Variants in ESR1 observed in about 807,000 individuals in gnomAD.
ESR1 encodes estrogen receptor 1, also known as estrogen receptor.
ESR1 carries 12 observed loss-of-function variants against 52.7 expected under a neutral mutation model. The observed-to-expected ratio is 0.23, with a 90% CI of 0.15 to 0.37. The LOEUF is 0.37. ESR1 is among the 10% of genes least tolerant of loss of function. ESR1 has a pLI of 1.00. For synonymous variants in ESR1, 305 were observed against 316.8 expected, an observed-to-expected ratio of 0.96 and a Z score of 0.39; for missense variants, 584 against 779.7, an observed-to-expected ratio of 0.75 and a Z score of 2.99.
rs773500294 is a variant in ESR1 at position 151,808,208 on chromosome 6, C to A, written c.296C>A (p.Pro99Gln). ...TCCAACGGCCTGGGGGGTTTCCCCCCACTCAACAGCGTGTCTCCGAGCCCG... is the reference window on the plus strand; with the variant it reads ...TCCAACGGCCTGGGGGGTTTCCCCCAACTCAACAGCGTGTCTCCGAGCCCG... ...FGSNGLGGFPPLNSVSPSPLM... is the reference protein window; with the variant it reads ...FGSNGLGGFPQLNSVSPSPLM... Residue 99 changes from proline (P) to glutamine (Q), a missense_variant, in exon 1 of 8, where the codon CCA becomes CAA. Coordinates refer to ENST00000206249, the MANE Select transcript of ESR1 (RefSeq NM_000125.4). The A allele has an allele frequency of 7.6e-6, 12 of 1,572,808 alleles. No homozygotes were observed. The Admixed American group carries it at 1.7e-4, about 22-fold the overall frequency.
chr6:151,899,354 C>A lies in ESR1; in HGVS notation c.760+18583C>A, dbSNP rs1437390700. ...GGCGGCTGGCCAGGCGGGGGGCTGACCCCCCCACCTCCTTCCCGGACGGGG... is the reference window on the plus strand; with the variant it reads ...GGCGGCTGGCCAGGCGGGGGGCTGAACCCCCCACCTCCTTCCCGGACGGGG... On this transcript the variant is annotated intron_variant, in intron 3 of 7. Coordinates refer to ENST00000206249, the MANE Select transcript of ESR1 (RefSeq NM_000125.4). 1.7e-5 allele frequency among the ~76,000 whole-genome samples: 2 copies of A among 114,650 alleles called. 1 individual carries two copies. Among genetic ancestry groups the A allele is most frequent in the African/African-American group, 7.7e-5 (2 of 25,840 alleles). 75.2% of individuals were successfully genotyped at this position (114,650 alleles called of 152,430 possible).
At chr6:152,127,453 T>C (rs2053863192) in exon 7 of ESR1, 1 of 152,168 alleles carries the variant, frequency 6.6e-6, no homozygotes, top group African/African-American at 2.4e-5. Context: ...TTATCACTAT[T>C]ATCTGTATAA....
Position 151,740,057 on chromosome 6 carries a change from T to C in ESR1, c.-71+38052T>C, listed in dbSNP as rs1052521143. Among the ~76,000 whole-genome samples, 4 of 152,148 alleles carry C rather than the reference T, an allele frequency of 2.6e-5. No homozygotes were observed. The South Asian group carries it at 6.2e-4, about 24-fold the overall frequency. On this transcript the variant is annotated intron_variant, in intron 2 of 2. Coordinates refer to the ESR1 transcript ENST00000404742. ...CTGTATTATTGCCAGGGTTCCCCTA[T>C]GTATATTGAAACAAATAGTCTCTGG...
intron 1 of ESR1, among the ~76,000 whole-genome samples, chr6:151,698,593 C>T (rs921687558): frequency 2.0e-5 from 3 of 152,060 alleles, no homozygotes; most frequent in South Asian, 2.1e-4. Flanking sequence ...GGAAGGAGGA[C>T]GAGTGTCCTT....
intron 4 of ESR1, among the ~76,000 whole-genome samples, chr6:151,975,362 G>T (rs1351825595): frequency 2.7e-5 from 4 of 148,868 alleles, no homozygotes; most frequent in African/African-American, 9.8e-5. Flanking sequence ...CCCTTAGCTT[G>T]TTTTTTTTTT....
At position 151,736,375 on chromosome 6, in the gene ESR1, G is replaced by GTTCTTTTTTTTTTTTTTTTTT. The variant is rs748276035; in HGVS notation, c.-71+34372_-71+34373insCTTTTTTTTTTTTTTTTTTTT. Among the ~76,000 whole-genome samples the GTTCTTTTTTTTTTTTTTTTTT allele has an allele frequency of 1.6e-4, 18 of 112,714 alleles. 3 individuals are homozygous for GTTCTTTTTTTTTTTTTTTTTT. The highest frequency in any genetic ancestry group is 1.9e-4 in the African/African-American group (5 of 26,174). 73.9% of individuals were successfully genotyped at this position (112,714 alleles called of 152,430 possible). ...AAATACTTACTGTATTCCAGGTAGT[G>GTTCTTTTTTTTTTTTTTTTTT]TTTTTTTTTTTTTTTGAGATGGAGT... On this transcript the variant is annotated intron_variant, in intron 2 of 2. Transcript: ENST00000404742.
At position 151,764,615 on chromosome 6, in the gene ESR1, G is replaced by A. The variant is rs1014504713; in HGVS notation, c.-70-43228G>A. On this transcript the variant is annotated intron_variant, in intron 2 of 2. Transcript: ENST00000404742. Reference sequence around the variant, plus strand: ...ATTTAGTGGAATTTCTTTACAATGTGTGCTTCTTGTCACCAGTTCGTTAAC... The same window carrying A: ...ATTTAGTGGAATTTCTTTACAATGTATGCTTCTTGTCACCAGTTCGTTAAC... 5.3e-5 allele frequency among the ~76,000 whole-genome samples: 8 copies of A among 152,170 alleles called. No homozygotes were observed. In the East Asian group the frequency reaches 1.5e-3, roughly 29 times the overall value.
intron 2 of ESR1, among the ~76,000 whole-genome samples, chr6:151,760,280 A>T (rs944348615): frequency 6.6e-6 from 1 of 152,158 alleles, no homozygotes; most frequent in African/African-American, 2.4e-5. Context: ...CAGAGGTAGA[A>T]CTCATTGCCT....
chr6:151,783,651 C>G (rs556937005), intron 2 of ESR1, among the ~76,000 whole-genome samples: 3 of 152,264 alleles, frequency 2.0e-5, no homozygotes, highest in South Asian at 2.1e-4. Flanking sequence ...CTATCTAACC[C>G]ACACCCAGCT....
chr6:152,077,050 CAT>C (rs1007384673), intron 6 of ESR1, among the ~76,000 whole-genome samples: 9 of 152,158 alleles, frequency 5.9e-5, no homozygotes, highest in African/African-American at 2.2e-4. Context: ...CAGAGCATGT[CAT>C]AGGTCTTCAT....
At chr6:151,954,952 G>A (rs1718557163) in intron 4 of ESR1, among the ~76,000 whole-genome samples, 1 of 152,148 alleles carries the variant, frequency 6.6e-6, no homozygotes, top group African/African-American at 2.4e-5. Context: ...CATTGGGTCT[G>A]TGGAAGTGGG....
intron 1 of ESR1, among the ~76,000 whole-genome samples, chr6:151,664,828 G>A (rs1233224734): frequency 1.3e-5 from 2 of 152,098 alleles, no homozygotes; most frequent in African/African-American, 4.8e-5. Flanking sequence ...TTTCTTTTAA[G>A]CACCTCTAAA....
chr6:151,726,948 G>A (rs1179047237), intron 2 of ESR1, among the ~76,000 whole-genome samples: 3 of 152,070 alleles, frequency 2.0e-5, no homozygotes, highest in Non-Finnish European at 4.4e-5. Context: ...TCGCAGGGCA[G>A]CATTTAACTT....
intron 3 of ESR1, among the ~76,000 whole-genome samples, chr6:151,943,478 G>A (rs986085222): frequency 6.6e-5 from 10 of 151,882 alleles, no homozygotes; most frequent in African/African-American, 2.4e-4. Flanking sequence ...CAACTTTTAT[G>A]TTAGGAAAAA....
At chr6:151,782,452 G>T (rs1225670105) in intron 2 of ESR1, among the ~76,000 whole-genome samples, 2 of 152,100 alleles carry the variant, frequency 1.3e-5, no homozygotes, top group African/African-American at 4.8e-5. Flanking sequence ...AAGTGTTTGG[G>T]TTTTTTAAGT....
intron 5 of ESR1, among the ~76,000 whole-genome samples, chr6:152,057,696 C>CAA (rs1186889600): frequency 2.7e-5 from 2 of 73,692 alleles, no homozygotes; most frequent in Admixed American, 9.4e-5. Context: ...CACATGCATA[C>CAA]ACACACACAC....
At chr6:151,748,469 C>T (rs935851415) in intron 2 of ESR1, among the ~76,000 whole-genome samples, 2 of 152,132 alleles carry the variant, frequency 1.3e-5, no homozygotes, top group Non-Finnish European at 2.9e-5. Context: ...GATGTACCTT[C>T]GTTCGTTTTA....
intron 3 of ESR1, among the ~76,000 whole-genome samples, chr6:151,933,028 T>G (rs2033881124): frequency 1.3e-5 from 2 of 152,118 alleles, no homozygotes; most frequent in Non-Finnish European, 2.9e-5. Context: ...GCATTGAATC[T>G]GTAAATTACC....
chr6:151,820,867 G>T (rs1370487695), intron 1 of ESR1, among the ~76,000 whole-genome samples: 1 of 152,134 alleles, frequency 6.6e-6, no homozygotes, highest in Non-Finnish European at 1.5e-5. Context: ...ACAAAGACTT[G>T]CTGGTAGCAA....
Sources: gnomAD v4.1 joint callset for allele counts (sites outside exome capture counted in the v4.1 genomes callset) on GRCh38, gnomAD v4.1.1 for gene constraint, MANE v1.5 for transcripts, NCBI Gene and HGNC (gene_info 2026-07-23, HGNC 2026-07-21) for gene names.